The following PTPN4 variants were observed in gnomAD, a reference collection of about 807,000 sequenced individuals.
The protein encoded by PTPN4 is protein tyrosine phosphatase non-receptor type 4.
Under a neutral mutation model 135.5 loss-of-function variants are expected in PTPN4, and 49 were observed. The ratio of observed to expected loss-of-function variants is 0.36; its 90% CI spans 0.29 to 0.46. The LOEUF (loss-of-function observed/expected upper bound fraction) is 0.46. PTPN4 is among the 20% of genes least tolerant of loss of function. PTPN4 has a pLI of 1.00. For synonymous variants in PTPN4, 333 were observed against 369.9 expected (o/e 0.90, Z 1.14); for missense variants, 860 against 1,101.0 (o/e 0.78, Z 3.10).
At chr2:119,902,005 A>G (rs963445386) in intron 10 of PTPN4, among the ~76,000 whole-genome samples, 5 of 152,208 alleles carry the variant, frequency 3.3e-5, no homozygotes, top group African/African-American at 1.2e-4. Context: ...ATCAGAAGAA[A>G]TAAATATCTG....
chr2:119,929,539 CATATA>C (rs1436856279), intron 13 of PTPN4, among the ~76,000 whole-genome samples: 2 of 152,122 alleles, frequency 1.3e-5, no homozygotes, highest in East Asian at 3.9e-4. Context: ...TTGCAGTTGT[CATATA>C]ATATATCTAA....
At chr2:119,858,204 A>C (rs559523421) in intron 2 of PTPN4, among the ~76,000 whole-genome samples, 1 of 152,312 alleles carries the variant, frequency 6.6e-6, no homozygotes, top group South Asian at 2.1e-4. Flanking sequence ...TAAATTACCC[A>C]GTCTCAGATA....
At chr2:119,883,173 G>T (rs1447596773) in intron 8 of PTPN4, among the ~76,000 whole-genome samples, 1 of 151,996 alleles carries the variant, frequency 6.6e-6, no homozygotes, top group Non-Finnish European at 1.5e-5. Context: ...CATGTAATGG[G>T]TTTCAGTCAA....
chr2:119,945,214 A>C lies in PTPN4; in HGVS notation c.1489A>C (p.Ile497Leu). 6.3e-7 allele frequency: 1 copy of C among 1,587,656 alleles called. No homozygotes were observed. Among genetic ancestry groups the C allele is most frequent in the African/African-American group, 1.4e-5 (1 of 73,442 alleles). ...LESHINETFDIPSSPEKPTPN... is the reference protein window; with the variant it reads ...LESHINETFDLPSSPEKPTPN... ...AAGTCATATTAATGAAACATTTGAT[A>C]TTCCATCTTCTCCTGAAAAACCCAC... The change falls in exon 16 of 27, where the codon ATT becomes CTT. Residue 497 changes from isoleucine to leucine, a missense_variant. This residue lies in a region of PTPN4 where 684 missense variants were observed against 807.0 expected (regional missense o/e 0.85). Transcript: ENST00000263708.
chr2:119,920,356 A>G, intron 12 of PTPN4, 115 bp downstream of exon 12: 1 of 1,184,506 alleles, frequency 8.4e-7, no homozygotes, highest in Non-Finnish European at 1.2e-6. Context: ...AACTGAGTCA[A>G]AAATCCCTAT....
chr2:119,870,371 C>T (rs1243492421), intron 3 of PTPN4, among the ~76,000 whole-genome samples: 37 of 152,124 alleles, frequency 2.4e-4, no homozygotes, highest in Admixed American at 2.4e-3. Context: ...ACACCATGCT[C>T]ATAATGAGGA....
At chr2:119,893,687 A>G (rs1678275615) in intron 9 of PTPN4, among the ~76,000 whole-genome samples, 1 of 152,206 alleles carries the variant, frequency 6.6e-6, no homozygotes, top group Non-Finnish European at 1.5e-5. Flanking sequence ...ACCAAGAAGG[A>G]GCAGCCATTC....
chr2:119,809,939 T>A lies in PTPN4; in HGVS notation c.86T>A (p.Val29Glu). ...ELARDRQHTE[V>E]VCNILLLDNT... ...GCCCGAGACAGACAGCATACTGAAG[T>A]GGTTTGCAACATCCTTCTTCTGGAT... Residue 29 changes from valine (V) to glutamate (E), a missense_variant, in exon 2 of 27, where the codon GTG becomes GAG. By Grantham distance (121) the Val-to-Glu change is moderately radical. Coordinates refer to ENST00000263708, the MANE Select transcript of PTPN4 (RefSeq NM_002830.4). 2 of 1,613,658 alleles carry A rather than the reference T, an allele frequency of 1.2e-6. No homozygotes were observed. Among genetic ancestry groups the A allele is most frequent in the Non-Finnish European group, 1.7e-6 (2 of 1,179,742 alleles).
chr2:119,779,186 A>G (rs933742275), intron 1 of PTPN4, among the ~76,000 whole-genome samples: 10 of 152,226 alleles, frequency 6.6e-5, no homozygotes, highest in African/African-American at 2.4e-4. Context: ...ATACAGCGTT[A>G]TAACAATAAG....
In PTPN4 at chr2:119,932,657, T is replaced by G. The variant is rs1331558568; in HGVS notation, c.1196+108T>G. ...CAAAGATACGCAAAAATTGAATTCT[T>G]TTGGTGAAACATGATTTTTGTTGCT... On this transcript the variant is annotated intron_variant, in intron 14 of 26. Transcript: ENST00000263708. The G allele has an allele frequency of 6.1e-6, 8 of 1,301,196 alleles. 1 individual carries two copies. In the South Asian group the frequency reaches 9.0e-5, roughly 15 times the overall value. 80.6% of individuals were successfully genotyped at this position (1,301,196 alleles called of 1,614,324 possible). A position where few individuals can be genotyped will look rare whatever the true frequency, so the allele number is the denominator to read the frequency against.
At chr2:119,888,176 A>C (rs556634427) in intron 9 of PTPN4, among the ~76,000 whole-genome samples, 1 of 152,294 alleles carries the variant, frequency 6.6e-6, no homozygotes, top group South Asian at 2.1e-4. Flanking sequence ...TTATTGATGT[A>C]TAGAAGTGCT....
chr2:119,974,919 A>G (rs1029808764), intron 26 of PTPN4, among the ~76,000 whole-genome samples: 1 of 152,216 alleles, frequency 6.6e-6, no homozygotes, highest in Non-Finnish European at 1.5e-5. Context: ...GGTTCTTTAC[A>G]ATATTAGCAA....
At chr2:119,917,471 C>T (rs994846268) in intron 11 of PTPN4, among the ~76,000 whole-genome samples, 2 of 152,128 alleles carry the variant, frequency 1.3e-5, no homozygotes, top group Non-Finnish European at 2.9e-5. Flanking sequence ...CGGTGGCTCA[C>T]GCCTGTAATC....
intron 1 of PTPN4, among the ~76,000 whole-genome samples, chr2:119,793,965 C>T (rs1220082492): frequency 1.4e-5 from 2 of 138,970 alleles, no homozygotes; most frequent in Admixed American, 7.8e-5. Flanking sequence ...AAGTGATCCT[C>T]CTATCTCAAC....
At chr2:119,889,148 A>G (rs12469861) in intron 9 of PTPN4, among the ~76,000 whole-genome samples, 52,262 of 152,008 alleles carry the variant, frequency 0.34, 9,523 homozygotes, top group African/African-American at 0.46. Context: ...GGCTGGGCAC[A>G]GTGGCTCATG....
intron 20 of PTPN4, among the ~76,000 whole-genome samples, chr2:119,956,433 T>C (rs966506273): frequency 1.3e-5 from 2 of 152,110 alleles, no homozygotes; most frequent in African/African-American, 2.4e-5. Flanking sequence ...TATTTGTTGT[T>C]CTGACATATA....
intron 1 of PTPN4, among the ~76,000 whole-genome samples, chr2:119,787,991 T>A (rs7578130): frequency 0.087 from 13,206 of 152,230 alleles, 721 homozygotes; most frequent in Middle Eastern, 0.18. Context: ...ATTATTAAAT[T>A]AAGTGTTGAA....
chr2:119,817,546 G>T (rs368975787), intron 2 of PTPN4, among the ~76,000 whole-genome samples: 2 of 151,896 alleles, frequency 1.3e-5, no homozygotes, highest in Non-Finnish European at 2.9e-5. Flanking sequence ...TACTAGTACC[G>T]TACTGTTTTT....
At chr2:119,766,447 CGCGTGT>C (rs1690623534) in intron 1 of PTPN4, among the ~76,000 whole-genome samples, 1 of 63,032 alleles carries the variant, frequency 1.6e-5, no homozygotes, top group South Asian at 6.3e-4. Flanking sequence ...CGCATGTGCG[CGCGTGT>C]GTGTGTGTGT....
Sources: gnomAD v4.1 joint callset for allele counts (sites outside exome capture counted in the v4.1 genomes callset) on GRCh38, gnomAD v4.1.1 for gene constraint, gnomAD v4.1.1 regional missense constraint, MANE v1.5 for transcripts, NCBI Gene and HGNC (gene_info 2026-07-23, HGNC 2026-07-21) for gene names.